Variants in GREB1L observed in about 807,000 individuals in gnomAD.
The protein encoded by GREB1L is GREB1 like retinoic acid receptor coactivator, also known as GREB1-like protein.
A neutral mutation model predicts 200.8 loss-of-function variants in GREB1L; 17 were observed. That is an observed-to-expected ratio of 0.08 (90% CI 0.06 to 0.13). GREB1L has a LOEUF of 0.13. GREB1L is among the 10% of genes least tolerant of loss of function. GREB1L has a pLI of 1.00. For synonymous variants in GREB1L, 789 were observed against 893.0 expected (o/e 0.88, Z 2.08); for missense variants, 1,657 against 2,367.7 (o/e 0.70, Z 6.23).
chr18:21,451,410 C>T lies in GREB1L; in HGVS notation c.1849+259C>T, dbSNP rs533519736. 8 of 286,112 alleles carry T rather than the reference C, an allele frequency of 2.8e-5. No individual in the cohort carries two copies. The South Asian group carries it at 7.3e-4, about 26-fold the overall frequency. The allele number at this position is 286,112 out of a possible 1,614,324, so 17.7% of individuals were successfully genotyped here. ...AGTGACCTTGGGCGAGTTTCTCTCT[C>T]CCTGGAACTCGGTTTGTTCGTTCGT... is the stretch of plus-strand genomic sequence containing the variant. On this transcript the variant is annotated intron_variant, in intron 13 of 32. Coordinates refer to ENST00000424526, the MANE Select transcript of GREB1L (RefSeq NM_001142966.3).
At position 21,384,250 on chromosome 18, in the gene GREB1L, C is replaced by G. The variant is rs377598846; in HGVS notation, c.202C>G (p.Arg68Gly). 1.3e-6 allele frequency: 2 copies of G among 1,551,030 alleles called. No individual in the cohort carries two copies. Among genetic ancestry groups the G allele is most frequent in the African/African-American group, 2.7e-5 (2 of 72,978 alleles). ...GGATCTGGACAAAGATTTGGTAAACCGCTACACTCAAAATGGAAGTCTGGA... is the reference window on the plus strand; with the variant it reads ...GGATCTGGACAAAGATTTGGTAAACGGCTACACTCAAAATGGAAGTCTGGA... ...VEDLDKDLVN[R>G]YTQNGSLDFS... The change falls in exon 4 of 33, where the codon CGC becomes GGC. Residue 68 changes from arginine to glycine, a missense_variant. This residue lies in a region of GREB1L where 121 missense variants were observed against 126.6 expected (regional missense o/e 0.96). Transcript: ENST00000424526.
chr18:21,516,860 T>G, intron 30 of GREB1L, 106 bp downstream of exon 30: 1 of 979,828 alleles, frequency 1.0e-6, no homozygotes. Flanking sequence ...ATTAGAAAAG[T>G]GAAATAACAC....
intron 31 of GREB1L, 43 bp downstream of exon 31, chr18:21,518,277 C>G (rs1053882133): frequency 2.7e-6 from 4 of 1,504,896 alleles, no homozygotes; most frequent in Non-Finnish European, 2.7e-6. Flanking sequence ...TACATCCATC[C>G]ATTTCTTTCT....
chr18:21,365,233 G>C (rs1217234648), intron 1 of GREB1L, among the ~76,000 whole-genome samples: 1 of 151,906 alleles, frequency 6.6e-6, no homozygotes, highest in Non-Finnish European at 1.5e-5. Flanking sequence ...ATTGAAGTTA[G>C]TTTCTTAGGA....
intron 1 of GREB1L, among the ~76,000 whole-genome samples, chr18:21,243,614 C>T (rs2037545294): frequency 6.6e-6 from 1 of 152,236 alleles, no homozygotes. Context: ...AATAAAACCT[C>T]TCATTCATCT....
chr18:21,372,587 C>T (rs2039920836), intron 2 of GREB1L, among the ~76,000 whole-genome samples: 1 of 151,966 alleles, frequency 6.6e-6, no homozygotes, highest in African/African-American at 2.4e-5. Flanking sequence ...CCGAAGATGG[C>T]TTTGAATGTG....
intron 7 of GREB1L, 23 bp downstream of exon 7, chr18:21,404,017 A>G (rs2144575998): frequency 6.5e-7 from 1 of 1,544,920 alleles, no homozygotes; most frequent in East Asian, 2.4e-5. Context: ...TTCTTTTGGC[A>G]TTTCAAGCAT....
chr18:21,473,206 A>T lies in GREB1L; in HGVS notation c.2358A>T (p.Leu786=). Residue 786 remains leucine (L), a synonymous_variant, in exon 16 of 33, where the codon CTA becomes CTT. Transcript: ENST00000424526. Reference sequence around the variant, plus strand: ...TTCATGACAACTCCCATGTGGAACTAACGAGGTGATTGGTTCAGAGTGAGC... The same window carrying T: ...TTCATGACAACTCCCATGTGGAACTTACGAGGTGATTGGTTCAGAGTGAGC... ...VLVHDNSHVE[L]TSVISGSLSH... The T allele has an allele frequency of 6.6e-7, 1 of 1,524,394 alleles. No homozygotes were observed. The highest frequency in any genetic ancestry group is 1.3e-5 in the South Asian group (1 of 79,368). 94.4% of individuals were successfully genotyped at this position (1,524,394 alleles called of 1,614,324 possible). A position where few individuals can be genotyped will look rare whatever the true frequency, so the allele number is the denominator to read the frequency against.
At chr18:21,444,085 T>G in intron 10 of GREB1L, 139 bp from the exon 11 acceptor site, 1 of 573,376 alleles carries the variant, frequency 1.7e-6, no homozygotes, top group South Asian at 2.7e-5. Flanking sequence ...GGGATTGATA[T>G]GTTTGAGTGA....
At chr18:21,407,395 C>G (rs2030389542) in intron 7 of GREB1L, among the ~76,000 whole-genome samples, 1 of 152,038 alleles carries the variant, frequency 6.6e-6, no homozygotes, top group South Asian at 2.1e-4. Flanking sequence ...TTTTCTAAAG[C>G]CTTTATTGTT....
intron 1 of GREB1L, among the ~76,000 whole-genome samples, chr18:21,276,891 C>T (rs1293683192): frequency 1.3e-5 from 2 of 149,944 alleles, no homozygotes; most frequent in Admixed American, 6.6e-5. Context: ...ACCAATTGTC[C>T]TACACAGCTC....
chr18:21,259,431 A>G (rs1452772101), intron 1 of GREB1L, among the ~76,000 whole-genome samples: 1 of 152,134 alleles, frequency 6.6e-6, no homozygotes, highest in Admixed American at 6.6e-5. Flanking sequence ...ATTGGAAGGG[A>G]TGCTGTGGAG....
chr18:21,438,500 T>TA lies in GREB1L; in HGVS notation c.833-1011dup, dbSNP rs1030382480. 2.5e-3 allele frequency among the ~76,000 whole-genome samples: 369 copies of TA among 148,642 alleles called. 2 individuals are homozygous for TA. The highest frequency in any genetic ancestry group is 6.8e-3 in the African/African-American group (276 of 40,614). On this transcript the variant is annotated intron_variant, in intron 7 of 32. Transcript: ENST00000424526. ...GACAACATAGCAAGATGCTCTCTCT[T>TA]AAAAAAAAAATCTTAAAAATTAGCC...
intron 7 of GREB1L, among the ~76,000 whole-genome samples, chr18:21,423,198 G>T (rs1035453936): frequency 3.9e-5 from 6 of 152,080 alleles, no homozygotes; most frequent in African/African-American, 1.4e-4. Flanking sequence ...TAAAGTACTG[G>T]GATTACAGGA....
chr18:21,405,099 C>A (rs1296472812), intron 7 of GREB1L, among the ~76,000 whole-genome samples: 1 of 152,182 alleles, frequency 6.6e-6, no homozygotes, highest in African/African-American at 2.4e-5. Flanking sequence ...CAGCTAAGTC[C>A]ACCTCTTCCT....
At chr18:21,461,366 C>T (rs1472263232) in intron 15 of GREB1L, among the ~76,000 whole-genome samples, 1 of 152,224 alleles carries the variant, frequency 6.6e-6, no homozygotes, top group East Asian at 1.9e-4. Context: ...CTCTCAAAGA[C>T]AAAACAAGAC....
At chr18:21,460,300 G>A (rs141119088) in intron 15 of GREB1L, among the ~76,000 whole-genome samples, 1,558 of 152,052 alleles carry the variant, frequency 0.01, 11 homozygotes, top group Non-Finnish European at 0.014. Context: ...TCAGCCTCCC[G>A]AGTAGCTGGG....
chr18:21,323,495 TA>T, intron 1 of GREB1L, among the ~76,000 whole-genome samples: 1 of 152,302 alleles, frequency 6.6e-6, no homozygotes, highest in Middle Eastern at 3.4e-3. Context: ...AAATGGCTCT[TA>T]AACTTGAAAG....
At chr18:21,289,644 G>A (rs2038415644) in intron 1 of GREB1L, among the ~76,000 whole-genome samples, 1 of 152,062 alleles carries the variant, frequency 6.6e-6, no homozygotes, top group Non-Finnish European at 1.5e-5. Flanking sequence ...TAATTATTTT[G>A]TATATTTTGT....
Sources: allele counts gnomAD v4.1 joint callset (sites outside exome capture counted in the v4.1 genomes callset), GRCh38; gene constraint gnomAD v4.1.1; regional missense constraint gnomAD v4.1.1; transcripts MANE v1.5; gene names NCBI Gene and HGNC (gene_info 2026-07-23, HGNC 2026-07-21).